NDST4: variants seen among roughly 807,000 people sequenced by gnomAD.
NDST4 encodes the protein N-deacetylase and N-sulfotransferase 4.
A neutral mutation model predicts 100.8 loss-of-function variants in NDST4; 63 were observed. The ratio of observed to expected loss-of-function variants is 0.62; its 90% CI spans 0.51 to 0.77. The LOEUF (loss-of-function observed/expected upper bound fraction) is 0.77, where lower values mean the gene tolerates loss of function less well. Among genes scored for constraint, NDST4 ranks in the 30% least tolerant of loss-of-function variants. The probability of loss-of-function intolerance (pLI) is 0.00; values close to 1 mark genes in which losing one functional copy is unlikely to be tolerated. For synonymous variants in NDST4, 377 were observed against 361.8 expected (o/e 1.04, Z -0.48); for missense variants, 943 against 1,018.4 (o/e 0.93, Z 1.01).
chr4:114,839,435 T>C lies in NDST4; in HGVS notation c.2229A>G (p.Val743=), dbSNP rs746838434. Residue 743 remains valine (V), a synonymous_variant, in exon 11 of 14, where the codon GTA becomes GTG. Transcript: ENST00000264363. ...DLKTLQRRCL[V]PGWYAVHIER... is the part of the protein sequence containing the mutation. ...CTATGTGGACTGCATACCATCCAGG[T>C]ACTAGGCATCTTCTCTGCAAAGTTT... is the stretch of plus-strand genomic sequence containing the variant. 6.2e-7 allele frequency: 1 copy of C among 1,613,950 alleles called. No individual in the cohort carries two copies. The highest frequency in any genetic ancestry group is 8.5e-7 in the Non-Finnish European group (1 of 1,179,886).
At chr4:114,839,074 G>A (rs1482798402) in intron 11 of NDST4, among the ~76,000 whole-genome samples, 1 of 152,150 alleles carries the variant, frequency 6.6e-6, no homozygotes, top group East Asian at 1.9e-4. Flanking sequence ...TCTCCTGTAT[G>A]AGAACTTATC....
chr4:115,008,603 C>T (rs11735531), intron 2 of NDST4, among the ~76,000 whole-genome samples: 7 of 127,820 alleles, frequency 5.5e-5, no homozygotes, highest in Admixed American at 2.4e-4. Context: ...AAAAACTGGA[C>T]GCATTCCCTT....
intron 10 of NDST4, among the ~76,000 whole-genome samples, chr4:114,841,460 A>G (rs1407620002): frequency 6.6e-6 from 1 of 152,232 alleles, no homozygotes; most frequent in Non-Finnish European, 1.5e-5. Flanking sequence ...ATTATCAGAA[A>G]AAATAATTCC....
intron 11 of NDST4, among the ~76,000 whole-genome samples, chr4:114,838,369 C>T (rs1723347005): frequency 2.0e-5 from 3 of 152,104 alleles, no homozygotes; most frequent in South Asian, 2.1e-4. Flanking sequence ...CACATGTACA[C>T]GTATGTTCAT....
At chr4:115,109,785 C>T (rs1038301792) in intron 1 of NDST4, among the ~76,000 whole-genome samples, 1 of 151,724 alleles carries the variant, frequency 6.6e-6, no homozygotes, top group Non-Finnish European at 1.5e-5. Context: ...AAAGGGTCAC[C>T]TGAAAACCAT....
chr4:114,865,338 T>C (rs575364422), intron 7 of NDST4, among the ~76,000 whole-genome samples: 1 of 152,124 alleles, frequency 6.6e-6, no homozygotes, highest in Non-Finnish European at 1.5e-5. Context: ...GCCGGGATTA[T>C]AGGAGTGAGC....
At chr4:114,903,743 G>A (rs1030829447) in intron 6 of NDST4, among the ~76,000 whole-genome samples, 3 of 151,868 alleles carry the variant, frequency 2.0e-5, no homozygotes, top group African/African-American at 7.2e-5. Context: ...TCTCTGGATT[G>A]ATTTACAATA....
intron 7 of NDST4, among the ~76,000 whole-genome samples, chr4:114,861,511 A>G (rs901876949): frequency 2.6e-5 from 4 of 152,104 alleles, no homozygotes; most frequent in African/African-American, 9.7e-5. Flanking sequence ...TCACTGATGG[A>G]TTGCTTTACT....
intron 8 of NDST4, among the ~76,000 whole-genome samples, chr4:114,850,766 C>T (rs1165378392): frequency 2.0e-5 from 3 of 152,116 alleles, no homozygotes; most frequent in Non-Finnish European, 4.4e-5. Context: ...ATGAGTTATG[C>T]TCTTATAATT....
intron 4 of NDST4, among the ~76,000 whole-genome samples, chr4:114,956,434 A>G (rs1726143382): frequency 6.6e-6 from 1 of 152,208 alleles, no homozygotes; most frequent in Admixed American, 6.6e-5. Context: ...TGTTGTTATC[A>G]TAATTAAGAT....
At position 115,076,781 on chromosome 4, in the gene NDST4, T is replaced by C; in HGVS notation, c.256A>G (p.Ser86Gly). The C allele has an allele frequency of 6.2e-7, 1 of 1,613,966 alleles. No homozygotes were observed. Among genetic ancestry groups the C allele is most frequent in the Non-Finnish European group, 8.5e-7 (1 of 1,179,928 alleles). ...TDPTVLLFVE[S>G]QYSQLGQDII... is the part of the protein sequence containing the mutation. ...TCTTGACCGAGTTGAGAGTATTGGC[T>C]CTCCACGAAGAGAAGGACAGTAGGG... Residue 86 changes from serine (S) to glycine (G), a missense_variant, in exon 2 of 14, where the codon AGC (serine) becomes GGC (glycine). By Grantham distance (56) the Ser-to-Gly change is moderately conservative (BLOSUM62 0). This residue lies in a region of NDST4 where 417 missense variants were observed against 384.2 expected (regional missense o/e 1.09). Transcript: ENST00000264363.
Position 114,922,392 on chromosome 4 carries a change from C to T in NDST4, c.1536+12814G>A, listed in dbSNP as rs560586964. ...GCTCACCTTCCAAATGTCGGCCGGCCACTGTGCATGTGGACAGCCTCCCCC... is the reference window on the plus strand; with the variant it reads ...GCTCACCTTCCAAATGTCGGCCGGCTACTGTGCATGTGGACAGCCTCCCCC... On this transcript the variant is annotated intron_variant, in intron 6 of 13. Transcript: ENST00000264363. Among the ~76,000 whole-genome samples the T allele has an allele frequency of 1.1e-3, 164 of 152,268 alleles. 1 individual carries two copies. Among genetic ancestry groups the T allele is most frequent in the African/African-American group, 3.8e-3 (158 of 41,538 alleles).
intron 2 of NDST4, among the ~76,000 whole-genome samples, chr4:114,982,000 G>C (rs1004634093): frequency 3.3e-5 from 5 of 152,086 alleles, no homozygotes; most frequent in African/African-American, 1.2e-4. Flanking sequence ...AGATCTGGTT[G>C]TTTCAAAGTG....
At chr4:115,023,844 G>A (rs1025539200) in intron 2 of NDST4, among the ~76,000 whole-genome samples, 3 of 152,118 alleles carry the variant, frequency 2.0e-5, no homozygotes, top group African/African-American at 7.2e-5. Flanking sequence ...CCATGCTATA[G>A]GAGGGCAGAA....
intron 1 of NDST4, among the ~76,000 whole-genome samples, chr4:115,082,494 A>C (rs1729323879): frequency 6.6e-6 from 1 of 152,156 alleles, no homozygotes; most frequent in South Asian, 2.1e-4. Context: ...ATCACATTGC[A>C]TATACGTGTG....
At chr4:114,869,794 C>A (rs941831493) in intron 7 of NDST4, among the ~76,000 whole-genome samples, 1 of 152,032 alleles carries the variant, frequency 6.6e-6, no homozygotes, top group African/African-American at 2.4e-5. Context: ...TTATTTTGTT[C>A]TTTGCATGCC....
intron 9 of NDST4, among the ~76,000 whole-genome samples, chr4:114,846,978 A>G (rs2126186549): frequency 6.6e-6 from 1 of 152,218 alleles, no homozygotes; most frequent in Non-Finnish European, 1.5e-5. Flanking sequence ...GGTAGGATAT[A>G]ATGTCCCAGA....
intron 2 of NDST4, among the ~76,000 whole-genome samples, chr4:114,981,256 AG>A: frequency 6.6e-6 from 1 of 150,896 alleles, no homozygotes. Flanking sequence ...GAAGGAAGGA[AG>A]GAAGGAAGGA....
At chr4:114,956,590 A>G (rs1726146591) in intron 4 of NDST4, among the ~76,000 whole-genome samples, 1 of 152,196 alleles carries the variant, frequency 6.6e-6, no homozygotes, top group Non-Finnish European at 1.5e-5. Flanking sequence ...TATACAGCTG[A>G]TAATTAGTAT....
Sources: allele counts gnomAD v4.1 joint callset (sites outside exome capture counted in the v4.1 genomes callset), GRCh38; gene constraint gnomAD v4.1.1; regional missense constraint gnomAD v4.1.1; transcripts MANE v1.5; gene names NCBI Gene and HGNC (gene_info 2026-07-23, HGNC 2026-07-21).